KCNJ12: variants seen among roughly 807,000 people sequenced by gnomAD.
The protein encoded by KCNJ12 is ATP-sensitive inward rectifier potassium channel 12.
Under a neutral mutation model 22.3 loss-of-function variants are expected in KCNJ12, and 2 were observed. The observed-to-expected ratio is 0.09, with a 90% confidence interval of 0.04 to 0.28. KCNJ12 has a LOEUF of 0.28. Among genes scored for constraint, KCNJ12 ranks in the 10% least tolerant of loss-of-function variants. The pLI is 1.00. For synonymous variants in KCNJ12, 117 were observed against 261.4 expected (o/e 0.45, Z 5.33); for missense variants, 155 against 633.3 (o/e 0.24, Z 8.11).
Position 21,393,448 on chromosome 17 carries a change from G to A in KCNJ12, c.-178-15071G>A, listed in dbSNP as rs149168090. On this transcript the variant is annotated intron_variant, in intron 1 of 2. Coordinates refer to ENST00000583088, the MANE Select transcript of KCNJ12 (RefSeq NM_021012.5). Reference sequence around the variant, plus strand: ...TCTACAGCCCCTGGCTTCTGCGTGCGCCCTCCCCTCTGCCTCTGGTATGTC... The same window carrying A: ...TCTACAGCCCCTGGCTTCTGCGTGCACCCTCCCCTCTGCCTCTGGTATGTC... Among the ~76,000 whole-genome samples the A allele has an allele frequency of 2.2e-3, 328 of 152,230 alleles. 4 individuals carry two copies. Among genetic ancestry groups the A allele is most frequent in the Middle Eastern group, 0.02 (6 of 294 alleles).
intron 1 of KCNJ12, among the ~76,000 whole-genome samples, chr17:21,381,854 G>A (rs67401511): frequency 0.037 from 5,642 of 152,320 alleles, 132 homozygotes; most frequent in Middle Eastern, 0.082. Context: ...CAGTGCCTAA[G>A]CGGTAGGCAG....
rs781945871 is a variant in KCNJ12, at chr17:21,415,321, C to G, written c.-22C>G. 6.3e-7 allele frequency: 1 copy of G among 1,599,688 alleles called. No homozygotes were observed. The highest frequency in any genetic ancestry group is 2.2e-5 in the East Asian group (1 of 44,660). ...TGCCTGGAGCTAGCCTGGGGGCGAGCCAGGGTCCCCCAACCCCCGGGATGA... is the reference window on the plus strand; with the variant it reads ...TGCCTGGAGCTAGCCTGGGGGCGAGGCAGGGTCCCCCAACCCCCGGGATGA... On this transcript the variant is annotated 5_prime_UTR_variant, in exon 3 of 3. Transcript: ENST00000583088.
intron 1 of KCNJ12, among the ~76,000 whole-genome samples, chr17:21,379,534 C>T (rs906856991): frequency 6.6e-6 from 1 of 152,200 alleles, no homozygotes; most frequent in Non-Finnish European, 1.5e-5. Context: ...CCCGGGCCTG[C>T]CCTTGGAGCC....
At chr17:21,383,906 T>C (rs576647870) in intron 1 of KCNJ12, among the ~76,000 whole-genome samples, 4 of 152,290 alleles carry the variant, frequency 2.6e-5, no homozygotes, top group Non-Finnish European at 4.4e-5. Flanking sequence ...TCATATTTTG[T>C]TGAATATAAC....
At chr17:21,384,601 G>C (rs1555558428) in intron 1 of KCNJ12, among the ~76,000 whole-genome samples, 2 of 152,072 alleles carry the variant, frequency 1.3e-5, no homozygotes, top group South Asian at 4.1e-4. Flanking sequence ...GCTCGGAGGG[G>C]AGGCGCTCAT....
intron 1 of KCNJ12, among the ~76,000 whole-genome samples, chr17:21,394,566 A>G (rs1170156058): frequency 2.0e-5 from 3 of 152,160 alleles, no homozygotes; most frequent in Non-Finnish European, 4.4e-5. Flanking sequence ...CTCATTATAG[A>G]TTACTGTTGC....
At chr17:21,403,837 T>C (rs1386659804) in intron 1 of KCNJ12, among the ~76,000 whole-genome samples, 1 of 152,312 alleles carries the variant, frequency 6.6e-6, no homozygotes, top group Non-Finnish European at 1.5e-5. Context: ...AAAACTGCGG[T>C]TCAGAGAGGT....
intron 1 of KCNJ12, among the ~76,000 whole-genome samples, chr17:21,396,829 A>G (rs1479060352): frequency 6.6e-6 from 1 of 152,214 alleles, no homozygotes; most frequent in East Asian, 1.9e-4. Flanking sequence ...CTATGGCCTC[A>G]GGTAGCCGTG....
rs1597592223 is a variant in KCNJ12, at chr17:21,419,690, G to C, written c.*3046G>C. The C allele has an allele frequency of 6.0e-6, 1 of 167,152 alleles. No individual in the cohort carries two copies. The highest frequency in any genetic ancestry group is 6.5e-5 in the Admixed American group (1 of 15,298). 10.4% of individuals were successfully genotyped at this position (167,152 alleles called of 1,614,324 possible). A position where few individuals can be genotyped will look rare whatever the true frequency, so the allele number is the denominator to read the frequency against. Reference sequence around the variant, plus strand: ...CCCCACCCAGAGGGTCCTGGGGGGCGGGGAGGAGCCACCGTTGGGAGGCCC... The same window carrying C: ...CCCCACCCAGAGGGTCCTGGGGGGCCGGGAGGAGCCACCGTTGGGAGGCCC... On this transcript the variant is annotated 3_prime_UTR_variant, in exon 3 of 3. Transcript: ENST00000583088.
intron 1 of KCNJ12, among the ~76,000 whole-genome samples, chr17:21,400,692 G>C (rs934691): frequency 1.9e-3 from 281 of 151,866 alleles, no homozygotes; most frequent in African/African-American, 6.5e-3. Flanking sequence ...GATCCAGCGT[G>C]CTGAGCTGTT....
rs1372959966 is a variant in KCNJ12, at chr17:21,380,497, G to A, written c.-179+3584G>A. Among the ~76,000 whole-genome samples, 3 of 152,210 alleles carry A rather than the reference G, an allele frequency of 2.0e-5. No individual in the cohort carries two copies. In the East Asian group the frequency reaches 5.8e-4, roughly 29 times the overall value. On this transcript the variant is annotated intron_variant, in intron 1 of 2. Coordinates refer to ENST00000583088, the MANE Select transcript of KCNJ12 (RefSeq NM_021012.5). The stretch of plus-strand genomic sequence containing the variant: ...GAGAGGCAGATGTTGCCACCAAGAT[G>A]GGGTCACTCTTCCTGGCCTCAGTTC...
Position 21,415,273 on chromosome 17 carries a change from C to G in KCNJ12, c.-56-14C>G, listed in dbSNP as rs1351676732. On this transcript the variant is annotated splice_polypyrimidine_tract_variant and intron_variant, in intron 2 of 2. Coordinates refer to ENST00000583088, the MANE Select transcript of KCNJ12 (RefSeq NM_021012.5). Reference sequence around the variant, plus strand: ...CCACCAGCCCAGCCAGACATGCTGTCGTCTCTGTTGCAGGAGCCGCCCTGC... The same window carrying G: ...CCACCAGCCCAGCCAGACATGCTGTGGTCTCTGTTGCAGGAGCCGCCCTGC... 1.9e-4 allele frequency: 295 copies of G among 1,554,120 alleles called. No homozygotes were observed. The highest frequency in any genetic ancestry group is 2.5e-4 in the Non-Finnish European group (287 of 1,156,544).
intron 1 of KCNJ12, among the ~76,000 whole-genome samples, chr17:21,381,683 G>A (rs1555557946): frequency 6.6e-6 from 1 of 152,186 alleles, no homozygotes; most frequent in African/African-American, 2.4e-5. Context: ...GGACACTGCA[G>A]CCTCCCTTTC....
chr17:21,386,700 G>A (rs546955025), intron 1 of KCNJ12, among the ~76,000 whole-genome samples: 1 of 152,084 alleles, frequency 6.6e-6, no homozygotes, highest in South Asian at 2.1e-4. Flanking sequence ...TAGAGATGGG[G>A]TTTCACCATG....
chr17:21,403,378 A>C (rs1216476215), intron 1 of KCNJ12, among the ~76,000 whole-genome samples: 1 of 152,310 alleles, frequency 6.6e-6, no homozygotes, highest in Non-Finnish European at 1.5e-5. Flanking sequence ...TGGTTTTGAC[A>C]ACATCATACA....
chr17:21,407,162 T>C (rs1381950554), intron 1 of KCNJ12, among the ~76,000 whole-genome samples: 1 of 152,296 alleles, frequency 6.6e-6, no homozygotes, highest in African/African-American at 2.4e-5. Flanking sequence ...TCACCCACCC[T>C]CACACCCATC....
chr17:21,410,932 T>C (rs1906298662), intron 2 of KCNJ12, among the ~76,000 whole-genome samples: 1 of 152,308 alleles, frequency 6.6e-6, no homozygotes, highest in Non-Finnish European at 1.5e-5. Flanking sequence ...AGTAAGCACT[T>C]GATAGATACT....
At chr17:21,413,995 C>T (rs1906532335) in intron 2 of KCNJ12, among the ~76,000 whole-genome samples, 1 of 152,308 alleles carries the variant, frequency 6.6e-6, no homozygotes, top group African/African-American at 2.4e-5. Flanking sequence ...CAGGGAGCAG[C>T]CCATGTCTGG....
At chr17:21,378,158 G>T (rs1019537097) in intron 1 of KCNJ12, among the ~76,000 whole-genome samples, 1 of 152,228 alleles carries the variant, frequency 6.6e-6, no homozygotes, top group Non-Finnish European at 1.5e-5. Context: ...AAGGAGAGCC[G>T]GTCCCTGGCC....
Sources: allele counts gnomAD v4.1 joint callset (sites outside exome capture counted in the v4.1 genomes callset), GRCh38; gene constraint gnomAD v4.1.1; transcripts MANE v1.5; gene names NCBI Gene and HGNC (gene_info 2026-07-23, HGNC 2026-07-21).